Variants in CA10 observed in about 807,000 individuals in gnomAD.
The protein encoded by CA10 is carbonic anhydrase-related protein 10.
CA10 carries 14 observed loss-of-function variants against 44.2 expected under a neutral mutation model. The ratio of observed to expected loss-of-function variants is 0.32; its 90% CI spans 0.21 to 0.50. The LOEUF (loss-of-function observed/expected upper bound fraction) is 0.50. Ranked by LOEUF, CA10 falls within the 20% of genes least tolerant of loss-of-function variation. The pLI is 0.99. For synonymous variants in CA10, 159 were observed against 141.6 expected, an observed-to-expected ratio of 1.12 and a Z score of -0.87; for missense variants, 350 against 409.7, an observed-to-expected ratio of 0.85 and a Z score of 1.26.
chr17:52,136,564 G>T (rs559699606), intron 1 of CA10, among the ~76,000 whole-genome samples: 66 of 152,200 alleles, frequency 4.3e-4, no homozygotes, highest in Admixed American at 9.2e-4. Flanking sequence ...GGAGTGAGGG[G>T]TGGTATCTGT....
intron 3 of CA10, among the ~76,000 whole-genome samples, chr17:51,768,967 G>T (rs910104423): frequency 6.6e-6 from 1 of 152,084 alleles, no homozygotes; most frequent in Non-Finnish European, 1.5e-5. Flanking sequence ...TTCTCCACAC[G>T]GTTTTTCCAG....
At position 51,872,901 on chromosome 17, in the gene CA10, C is replaced by T. The variant is rs533307810; in HGVS notation, c.279+58089G>A. On this transcript the variant is annotated intron_variant, in intron 3 of 8. Coordinates refer to ENST00000451037, the MANE Select transcript of CA10 (RefSeq NM_020178.5). ...ACCTTCCACACCAGTTAGCCAAAAGCACCTAAGTGGCTTTCAGAGGATTAC... is the reference window on the plus strand; with the variant it reads ...ACCTTCCACACCAGTTAGCCAAAAGTACCTAAGTGGCTTTCAGAGGATTAC... Among the ~76,000 whole-genome samples the T allele has an allele frequency of 2.6e-5, 4 of 152,240 alleles. No individual in the cohort carries two copies. In the South Asian group the frequency reaches 8.3e-4, roughly 32 times the overall value.
chr17:51,721,063 C>T (rs1433346428), intron 4 of CA10, among the ~76,000 whole-genome samples: 3 of 152,142 alleles, frequency 2.0e-5, no homozygotes, highest in Non-Finnish European at 4.4e-5. Flanking sequence ...GGCGTGGTGG[C>T]TCATGCCTGT....
At chr17:52,004,596 G>A (rs1985536343) in intron 2 of CA10, among the ~76,000 whole-genome samples, 1 of 151,864 alleles carries the variant, frequency 6.6e-6, no homozygotes, top group Non-Finnish European at 1.5e-5. Context: ...ATAAAATGAT[G>A]TAACACTGGA....
intron 2 of CA10, among the ~76,000 whole-genome samples, chr17:52,044,665 A>G (rs1371751098): frequency 6.6e-6 from 1 of 152,162 alleles, no homozygotes; most frequent in Non-Finnish European, 1.5e-5. Flanking sequence ...TCTAGACATA[A>G]AAAATTTAAA....
chr17:51,633,420 A>G (rs1567781685), intron 8 of CA10, 56 bp downstream of exon 8: 4 of 1,523,108 alleles, frequency 2.6e-6, no homozygotes, highest in Non-Finnish European at 3.6e-6. Flanking sequence ...AACAGGTCTA[A>G]GCAGAAAGAC....
chr17:51,852,144 G>T (rs1365733509), intron 3 of CA10, among the ~76,000 whole-genome samples: 2 of 152,340 alleles, frequency 1.3e-5, no homozygotes, highest in South Asian at 2.1e-4. Flanking sequence ...TCCAGGGCCA[G>T]TGTTAGAATC....
chr17:51,792,952 A>C (rs975802008), intron 3 of CA10, among the ~76,000 whole-genome samples: 1 of 152,222 alleles, frequency 6.6e-6, no homozygotes, highest in African/African-American at 2.4e-5. Flanking sequence ...AACTTGCCCA[A>C]GGTTGGCCAT....
chr17:51,848,591 T>G (rs1450814738), intron 3 of CA10, among the ~76,000 whole-genome samples: 1 of 152,218 alleles, frequency 6.6e-6, no homozygotes, highest in Non-Finnish European at 1.5e-5. Context: ...TATTCATTGA[T>G]TCACTCCAAA....
chr17:51,922,196 T>C (rs1332121509), intron 3 of CA10, among the ~76,000 whole-genome samples: 1 of 152,164 alleles, frequency 6.6e-6, no homozygotes, highest in African/African-American at 2.4e-5. Flanking sequence ...ATGCTCCTTT[T>C]ACAAATGAGG....
intron 3 of CA10, among the ~76,000 whole-genome samples, chr17:51,780,063 G>GA (rs11288586): frequency 7.2e-5 from 11 of 151,884 alleles, no homozygotes; most frequent in South Asian, 2.1e-4. Context: ...CTTTTTAACA[G>GA]AAAAAAAACT....
At chr17:51,803,359 C>A (rs1484376972) in intron 3 of CA10, among the ~76,000 whole-genome samples, 1 of 152,160 alleles carries the variant, frequency 6.6e-6, no homozygotes, top group Non-Finnish European at 1.5e-5. Flanking sequence ...GACAGCTCTG[C>A]CCACAGCATC....
intron 1 of CA10, among the ~76,000 whole-genome samples, chr17:52,091,035 G>A (rs990328314): frequency 6.6e-6 from 1 of 151,828 alleles, no homozygotes; most frequent in Non-Finnish European, 1.5e-5. Context: ...CTCACACTAA[G>A]AAATATTAAA....
intron 3 of CA10, among the ~76,000 whole-genome samples, chr17:51,819,072 A>G (rs918946377): frequency 2.6e-5 from 4 of 152,232 alleles, no homozygotes; most frequent in Non-Finnish European, 4.4e-5. Flanking sequence ...AAAACAAGTC[A>G]TAAGCAACCA....
intron 3 of CA10, among the ~76,000 whole-genome samples, chr17:51,861,439 G>A (rs551378326): frequency 6.6e-6 from 1 of 151,956 alleles, no homozygotes; most frequent in African/African-American, 2.4e-5. Context: ...GGATTAGAAA[G>A]GCATTAGGAA....
chr17:51,953,456 T>TG (rs200048114), intron 2 of CA10, among the ~76,000 whole-genome samples: 1 of 92,836 alleles, frequency 1.1e-5, no homozygotes, highest in East Asian at 1.4e-3. Context: ...GATATTTTTG[T>TG]TTTTTTTTTT....
intron 6 of CA10, among the ~76,000 whole-genome samples, chr17:51,644,946 G>A (rs776342378): frequency 1.1e-4 from 16 of 151,716 alleles, no homozygotes; most frequent in African/African-American, 2.7e-4. Flanking sequence ...TTACAGGCGC[G>A]CGCCACAATC....
chr17:51,748,554 A>ACTTCTC, intron 3 of CA10: 24 of 902,506 alleles, frequency 2.7e-5, no homozygotes, highest in Non-Finnish European at 2.9e-5. Flanking sequence ...TGACCTCAAC[A>ACTTCTC]ACAATTGATT....
At chr17:51,914,819 T>A (rs1275775249) in intron 3 of CA10, among the ~76,000 whole-genome samples, 2 of 152,188 alleles carry the variant, frequency 1.3e-5, no homozygotes, top group Admixed American at 1.3e-4. Flanking sequence ...CTCAGCTCTG[T>A]TTCTTGTCAT....
Sources: gnomAD v4.1 joint callset for allele counts (sites outside exome capture counted in the v4.1 genomes callset) on GRCh38, gnomAD v4.1.1 for gene constraint, MANE v1.5 for transcripts, NCBI Gene and HGNC (gene_info 2026-07-23, HGNC 2026-07-21) for gene names.